The following UCP1 variants were observed in gnomAD, a reference collection of about 807,000 sequenced individuals.
UCP1 encodes the protein uncoupling protein 1.
UCP1 carries 24 observed loss-of-function variants against 26.2 expected under a neutral mutation model. The ratio of observed to expected loss-of-function variants is 0.92; its 90% CI spans 0.66 to 1.29. UCP1 has a LOEUF of 1.29. UCP1 is among the 50% of genes most tolerant of loss of function. UCP1 has a pLI of 0.00. For synonymous variants in UCP1, 164 were observed against 156.8 expected, an observed-to-expected ratio of 1.05 and a Z score of -0.34; for missense variants, 402 against 388.7, an observed-to-expected ratio of 1.03 and a Z score of -0.29.
In UCP1 at chr4:140,559,831, G is replaced by GT. The variant is rs1452630696; in HGVS notation, c.*64dup. 1.4e-6 allele frequency: 2 copies of GT among 1,380,700 alleles called. No individual in the cohort carries two copies. Among genetic ancestry groups the GT allele is most frequent in the Non-Finnish European group, 2.1e-6 (2 of 973,098 alleles). The allele number at this position is 1,380,700 out of a possible 1,614,324, so 85.5% of individuals were successfully genotyped here. ...AGGTTAAAATAAGTGAATAAGTTTT[G>GT]TTTGTTTTTATGATCCAGTCAGCAA... On this transcript the variant is annotated 3_prime_UTR_variant, in exon 6 of 6. Coordinates refer to ENST00000262999, the MANE Select transcript of UCP1 (RefSeq NM_021833.5).
chr4:140,563,597 G>A (rs1016909603), intron 2 of UCP1, 79 bp from the exon 3 acceptor site: 3 of 1,333,178 alleles, frequency 2.3e-6, no homozygotes, highest in Non-Finnish European at 2.0e-6. Context: ...ATTTTCAGTG[G>A]TTCATATTTT....
At chr4:140,567,256 G>A (rs1014461706) in intron 2 of UCP1, among the ~76,000 whole-genome samples, 1 of 152,162 alleles carries the variant, frequency 6.6e-6, no homozygotes, top group Admixed American at 6.5e-5. Flanking sequence ...AACCTCTTAA[G>A]AGGAAATATG....
At position 140,563,445 on chromosome 4, in the gene UCP1, G is replaced by A. The variant is rs1433459819; in HGVS notation, c.399C>T (p.Pro133=). 2 of 1,613,834 alleles carry A rather than the reference G, an allele frequency of 1.2e-6. No homozygotes were observed. The highest frequency in any genetic ancestry group is 8.5e-7 in the Non-Finnish European group (1 of 1,180,026). The stretch of plus-strand genomic sequence containing the variant: ...GAAGTCTGACTTTCACGACCTCTGT[G>A]GGTTGCCCAATGAATACTGCCACTC... ...TGGVAVFIGQ[P]TEVVKVRLQA... Residue 133 remains proline (P), a synonymous_variant, in exon 3 of 6, where the codon CCC becomes CCT. Coordinates refer to ENST00000262999, the MANE Select transcript of UCP1 (RefSeq NM_021833.5).
At position 140,568,912 on chromosome 4, in the gene UCP1, C is replaced by CCCCCAA; in HGVS notation, c.-184_-183insTTGGGG. ...TGCAGACGGAGCGCGGTGTTGGGGG[C>CCCCCAA]CGAGTCCCCGCGTCCCCTCCTACCC... On this transcript the variant is annotated 5_prime_UTR_variant, in exon 1 of 6. Transcript: ENST00000262999. 1.2e-6 allele frequency: 1 copy of CCCCCAA among 838,248 alleles called. No homozygotes were observed. Among genetic ancestry groups the CCCCCAA allele is most frequent in the East Asian group, 2.7e-5 (1 of 36,962 alleles). 51.9% of individuals were successfully genotyped at this position (838,248 alleles called of 1,614,324 possible).
chr4:140,567,741 A>G (rs1480177820), intron 2 of UCP1, 38 bp downstream of exon 2: 1 of 1,612,316 alleles, frequency 6.2e-7, no homozygotes, highest in Non-Finnish European at 8.5e-7. Context: ...GCGGAGCCCA[A>G]GGCTTTTCTG....
intron 1 of UCP1, 131 bp from the exon 2 acceptor site, chr4:140,568,108 CGTGTGTGTGTGTGTGTGTGTGTGT>C (rs3138733): frequency 5.3e-5 from 34 of 638,950 alleles, no homozygotes; most frequent in South Asian, 2.9e-4. Flanking sequence ...CTCCCTCTAC[CGTGTGTGTGTGTGTGTGTGTGTGT>C]GTGTGTGTGT....
In UCP1 at chr4:140,562,382, G is replaced by A. The variant is rs1472790845; in HGVS notation, c.629-9C>T. The A allele has an allele frequency of 6.2e-7, 1 of 1,613,782 alleles. No homozygotes were observed. The highest frequency in any genetic ancestry group is 1.7e-5 in the Admixed American group (1 of 59,980). Reference sequence around the variant, plus strand: ...GTGGCAGGGGACGTCATCTAAAATGGATCGATGAAACAGGTCAACATCAGA... The same window carrying A: ...GTGGCAGGGGACGTCATCTAAAATGAATCGATGAAACAGGTCAACATCAGA... On this transcript the variant is annotated splice_polypyrimidine_tract_variant and intron_variant, in intron 4 of 5. Transcript: ENST00000262999.
intron 5 of UCP1, among the ~76,000 whole-genome samples, chr4:140,561,152 A>G (rs2043124): frequency 0.2 from 30,913 of 152,206 alleles, 3,249 homozygotes; most frequent in Admixed American, 0.27. Flanking sequence ...AATGAACTTC[A>G]TTTGTATTAA....
intron 2 of UCP1, 113 bp downstream of exon 2, chr4:140,567,666 T>C: frequency 1.5e-6 from 2 of 1,366,242 alleles, no homozygotes; most frequent in Admixed American, 1.8e-5. Context: ...AGTTCAAATA[T>C]GAATGTTTTC....
rs562168510 is a variant in UCP1 at position 140,568,810 on chromosome 4, G to A, written c.-81C>T. The A allele has an allele frequency of 6.5e-7, 1 of 1,529,222 alleles. No homozygotes were observed. Among genetic ancestry groups the A allele is most frequent in the African/African-American group, 1.4e-5 (1 of 72,952 alleles). 94.7% of individuals were successfully genotyped at this position (1,529,222 alleles called of 1,614,324 possible). On this transcript the variant is annotated 5_prime_UTR_variant, in exon 1 of 6. Coordinates refer to ENST00000262999, the MANE Select transcript of UCP1 (RefSeq NM_021833.5). ...GAAGTTCCTTTCCCTTGCTCTTCACGCCTGTCCGCCGGGCAGCAAACCCGA... is the reference window on the plus strand; with the variant it reads ...GAAGTTCCTTTCCCTTGCTCTTCACACCTGTCCGCCGGGCAGCAAACCCGA...
chr4:140,566,056 G>A lies in UCP1; in HGVS notation c.325+1723C>T, dbSNP rs145372470. On this transcript the variant is annotated intron_variant, in intron 2 of 5. Coordinates refer to ENST00000262999, the MANE Select transcript of UCP1 (RefSeq NM_021833.5). ...TGCTGCACAGGTTTGTAGCCTAGGA[G>A]CAATAGATTATACCATATAGCCTAG... 3.5e-3 allele frequency among the ~76,000 whole-genome samples: 534 copies of A among 152,280 alleles called. 1 individual carries two copies. Among genetic ancestry groups the A allele is most frequent in the South Asian group, 0.012 (57 of 4,820 alleles).
In UCP1 at chr4:140,563,076, G is replaced by A. The variant is rs1735713183; in HGVS notation, c.628+34C>T. 5 of 1,535,116 alleles carry A rather than the reference G, an allele frequency of 3.3e-6. No homozygotes were observed. In the African/African-American group the frequency reaches 6.8e-5, roughly 21 times the overall value. ...AGCTCCAAGATGAACTTCTAAAGGT[G>A]CAGACCTGTTTGTTATATGAAATGG... On this transcript the variant is annotated intron_variant, in intron 4 of 5. Transcript: ENST00000262999.
In UCP1 at chr4:140,568,888, G is replaced by A. The variant is rs1387520245; in HGVS notation, c.-159C>T. 43 of 1,145,314 alleles carry A rather than the reference G, an allele frequency of 3.8e-5. No individual in the cohort carries two copies. The highest frequency in any genetic ancestry group is 4.6e-5 in the Non-Finnish European group (38 of 818,044). The allele number at this position is 1,145,314 out of a possible 1,614,324, so 70.9% of individuals were successfully genotyped here. Reference sequence around the variant, plus strand: ...CAGCGGCGGTGCAGAGGCGGCGGCTGCAGACGGAGCGCGGTGTTGGGGGCC... The same window carrying A: ...CAGCGGCGGTGCAGAGGCGGCGGCTACAGACGGAGCGCGGTGTTGGGGGCC... On this transcript the variant is annotated 5_prime_UTR_variant, in exon 1 of 6. Coordinates refer to ENST00000262999, the MANE Select transcript of UCP1 (RefSeq NM_021833.5).
chr4:140,567,717 C>CT, intron 2 of UCP1, 62 bp downstream of exon 2: 2 of 1,600,892 alleles, frequency 1.2e-6, no homozygotes, highest in South Asian at 1.1e-5. Flanking sequence ...GTGTGTTACA[C>CT]TTTTTGGAAC....
chr4:140,564,485 CATT>C (rs1383247172), intron 2 of UCP1, among the ~76,000 whole-genome samples: 2 of 152,152 alleles, frequency 1.3e-5, no homozygotes, highest in Non-Finnish European at 2.9e-5. Context: ...CTTTCTCAGT[CATT>C]ATAATTCTGT....
chr4:140,568,063 G>A, intron 1 of UCP1, 86 bp from the exon 2 acceptor site: 13 of 1,447,088 alleles, frequency 9.0e-6, no homozygotes, highest in Middle Eastern at 1.7e-4. Context: ...CCTATTTTCC[G>A]TTTCTTTTCT....
In UCP1 at chr4:140,559,726, T is replaced by A; in HGVS notation, c.*170A>T. 1.6e-6 allele frequency: 1 copy of A among 632,688 alleles called. No homozygotes were observed. Among genetic ancestry groups the A allele is most frequent in the Non-Finnish European group, 2.7e-6 (1 of 368,580 alleles). The allele number at this position is 632,688 out of a possible 1,614,324, so 39.2% of individuals were successfully genotyped here. On this transcript the variant is annotated 3_prime_UTR_variant, in exon 6 of 6. Transcript: ENST00000262999. ...TTAAGACACTGAGAAAAAAAAAAAG[T>A]TATATGAAATAGGCATTAATTTTCC...
At chr4:140,565,931 A>G (rs946687218) in intron 2 of UCP1, among the ~76,000 whole-genome samples, 4 of 152,080 alleles carry the variant, frequency 2.6e-5, no homozygotes, top group Non-Finnish European at 4.4e-5. Flanking sequence ...GTGACATCCC[A>G]GCCCCATAAG....
intron 2 of UCP1, among the ~76,000 whole-genome samples, chr4:140,564,835 A>T (rs762613587): frequency 6.6e-6 from 1 of 151,210 alleles, no homozygotes; most frequent in Non-Finnish European, 1.5e-5. Flanking sequence ...TCACTTCCCA[A>T]TCAAGCTGGA....
Sources: allele counts gnomAD v4.1 joint callset (sites outside exome capture counted in the v4.1 genomes callset), GRCh38; gene constraint gnomAD v4.1.1; transcripts MANE v1.5; gene names NCBI Gene and HGNC (gene_info 2026-07-23, HGNC 2026-07-21).